The following LGR6 variants were observed in gnomAD, a reference collection of about 807,000 sequenced individuals.
The protein encoded by LGR6 is leucine-rich repeat-containing G protein-coupled receptor 6.
LGR6 carries 45 observed loss-of-function variants against 69.4 expected under a neutral mutation model. That is an observed-to-expected ratio of 0.65 (90% CI 0.51 to 0.83). The LOEUF (loss-of-function observed/expected upper bound fraction) is 0.83, where lower values mean the gene tolerates loss of function less well. LGR6 is among the 40% of genes least tolerant of loss of function. The pLI, the probability that LGR6 is intolerant of heterozygous loss-of-function variation, is 0.00. For missense variants in LGR6, 1,108 were observed against 1,246.7 expected (o/e 0.89, Z 1.68); for synonymous variants, 538 against 555.0 (o/e 0.97, Z 0.43).
At chr1:202,263,083 T>C (rs142303665) in intron 4 of LGR6, among the ~76,000 whole-genome samples, 55 of 152,154 alleles carry the variant, frequency 3.6e-4, no homozygotes, top group Non-Finnish European at 6.0e-4. Flanking sequence ...GTCAAATAAC[T>C]TCTACTACAC....
chr1:202,255,935 C>A (rs748741887), intron 4 of LGR6, among the ~76,000 whole-genome samples: 7 of 152,144 alleles, frequency 4.6e-5, no homozygotes, highest in Non-Finnish European at 1.0e-4. Flanking sequence ...ATATGCAATT[C>A]GGTGATTATT....
chr1:202,229,526 A>T (rs1438163226), intron 3 of LGR6, among the ~76,000 whole-genome samples: 1 of 152,258 alleles, frequency 6.6e-6, no homozygotes, highest in Non-Finnish European at 1.5e-5. Flanking sequence ...GGCCTTCAGA[A>T]GATGTAAGAC....
chr1:202,220,886 T>C (rs768402496), intron 1 of LGR6, among the ~76,000 whole-genome samples: 2 of 151,942 alleles, frequency 1.3e-5, no homozygotes, highest in African/African-American at 2.4e-5. Flanking sequence ...CTCACACACA[T>C]TCACACACAC....
chr1:202,290,682 G>A (rs1666732765), intron 6 of LGR6, among the ~76,000 whole-genome samples: 1 of 152,192 alleles, frequency 6.6e-6, no homozygotes. Context: ...AGACCAGCCT[G>A]ACCAACATGG....
intron 6 of LGR6, among the ~76,000 whole-genome samples, chr1:202,291,983 T>G (rs1300229119): frequency 3.3e-5 from 5 of 152,130 alleles, no homozygotes; most frequent in Non-Finnish European, 4.4e-5. Flanking sequence ...AAAGGTATAG[T>G]TGGACCGGAC....
In LGR6 at chr1:202,220,265, C is replaced by T. The variant is rs575280372; in HGVS notation, c.213-5158C>T. ...CAGAATCTCATTCTGTCGTCCCGTT[C>T]GGAGTGCAGTGGCATGATCTTGGCT... is the stretch of plus-strand genomic sequence containing the variant. On this transcript the variant is annotated intron_variant, in intron 1 of 17. Transcript: ENST00000367278. Among the ~76,000 whole-genome samples the T allele has an allele frequency of 5.3e-5, 8 of 150,718 alleles. No homozygotes were observed. In the East Asian group the frequency reaches 7.9e-4, roughly 15 times the overall value.
chr1:202,283,146 A>G (rs763437396), intron 6 of LGR6, among the ~76,000 whole-genome samples: 13 of 152,038 alleles, frequency 8.6e-5, no homozygotes, highest in Non-Finnish European at 1.8e-4. Context: ...GACAAGCTGT[A>G]TAGGAGCCTG....
chr1:202,257,705 A>G (rs1222536596), intron 4 of LGR6, among the ~76,000 whole-genome samples: 1 of 152,148 alleles, frequency 6.6e-6, no homozygotes, highest in Non-Finnish European at 1.5e-5. Flanking sequence ...ATAGGGCTAT[A>G]TGGTCTGCAT....
At chr1:202,315,206 G>C (rs1314430706) in intron 17 of LGR6, among the ~76,000 whole-genome samples, 2 of 152,222 alleles carry the variant, frequency 1.3e-5, no homozygotes, top group African/African-American at 4.8e-5. Flanking sequence ...AGGGTGGCAC[G>C]TGGGACTGCT....
intron 1 of LGR6, among the ~76,000 whole-genome samples, chr1:202,207,657 C>T (rs1221016019): frequency 6.6e-6 from 1 of 152,200 alleles, no homozygotes; most frequent in East Asian, 1.9e-4. Context: ...GCCACTCCAC[C>T]TAAGTTCAGA....
intron 1 of LGR6, among the ~76,000 whole-genome samples, chr1:202,202,120 G>C (rs1305974145): frequency 6.6e-6 from 1 of 152,136 alleles, no homozygotes; most frequent in Non-Finnish European, 1.5e-5. Flanking sequence ...CTGAAGACCA[G>C]AAGGACTTAA....
chr1:202,293,762 A>T (rs1180312683), intron 6 of LGR6, among the ~76,000 whole-genome samples: 1 of 152,222 alleles, frequency 6.6e-6, no homozygotes, highest in African/African-American at 2.4e-5. Flanking sequence ...CCTCATTGGC[A>T]TGGAGTTTGC....
At chr1:202,270,941 G>T (rs1451649460) in intron 4 of LGR6, among the ~76,000 whole-genome samples, 5 of 152,134 alleles carry the variant, frequency 3.3e-5, no homozygotes, top group African/African-American at 1.2e-4. Context: ...AAGCAGTTTG[G>T]CCCTCGACAG....
At chr1:202,281,696 G>A (rs974723478) in intron 6 of LGR6, among the ~76,000 whole-genome samples, 4 of 152,142 alleles carry the variant, frequency 2.6e-5, no homozygotes, top group Admixed American at 6.5e-5. Flanking sequence ...AGCCACTGAG[G>A]TTGGGGTAGA....
intron 6 of LGR6, among the ~76,000 whole-genome samples, chr1:202,286,939 T>G (rs1309935979): frequency 1.3e-5 from 2 of 152,138 alleles, no homozygotes; most frequent in African/African-American, 4.8e-5. Context: ...CTCCCTCCCC[T>G]GCTGGCAATG....
chr1:202,246,078 C>G (rs1429843504), intron 4 of LGR6, among the ~76,000 whole-genome samples: 2 of 127,754 alleles, frequency 1.6e-5, no homozygotes, highest in African/African-American at 6.0e-5. Context: ...TTCATCTATC[C>G]ATTCATCCAT....
intron 4 of LGR6, among the ~76,000 whole-genome samples, chr1:202,257,414 T>C (rs1225224830): frequency 2.0e-5 from 3 of 152,206 alleles, no homozygotes; most frequent in Non-Finnish European, 4.4e-5. Flanking sequence ...TGTTGTCTTA[T>C]AAGGATTTAA....
intron 16 of LGR6, among the ~76,000 whole-genome samples, chr1:202,314,295 A>T (rs1653973818): frequency 6.6e-6 from 1 of 152,152 alleles, no homozygotes; most frequent in African/African-American, 2.4e-5. Flanking sequence ...AACACCGCCC[A>T]GTTGCTTTGA....
At chr1:202,218,243 A>G (rs1214443666) in intron 1 of LGR6, among the ~76,000 whole-genome samples, 1 of 151,934 alleles carries the variant, frequency 6.6e-6, no homozygotes, top group African/African-American at 2.4e-5. Context: ...GTGTAGGTAG[A>G]GGAAAGCGCC....
Sources: gnomAD v4.1 joint callset for allele counts (sites outside exome capture counted in the v4.1 genomes callset) on GRCh38, gnomAD v4.1.1 for gene constraint, MANE v1.5 for transcripts, NCBI Gene and HGNC (gene_info 2026-07-23, HGNC 2026-07-21) for gene names.